Variants in ANKRD36B observed in about 807,000 individuals in gnomAD.
ANKRD36B encodes the protein ankyrin repeat domain 36B, also known as ankyrin repeat domain-containing protein 36B.
A neutral mutation model predicts 135.7 loss-of-function variants in ANKRD36B; 37 were observed. That is an observed-to-expected ratio of 0.27 (90% CI 0.21 to 0.36). ANKRD36B has a LOEUF of 0.36. ANKRD36B is among the 10% of genes least tolerant of loss of function. The pLI, the probability that ANKRD36B is intolerant of heterozygous loss-of-function variation, is 1.00. For synonymous variants in ANKRD36B, 179 were observed against 348.1 expected (o/e 0.51, Z 5.41); for missense variants, 549 against 1,037.1 (o/e 0.53, Z 6.46).
intron 22 of ANKRD36B, among the ~76,000 whole-genome samples, chr2:97,546,770 C>T (rs2079507665): frequency 1.3e-5 from 2 of 151,746 alleles, no homozygotes; most frequent in East Asian, 3.9e-4. Flanking sequence ...GCTATTTCAT[C>T]CAAGAGGTAG....
chr2:97,524,765 A>G lies in ANKRD36B; in HGVS notation c.2266-1298T>C, dbSNP rs2078103022. On this transcript the variant is annotated intron_variant, in intron 35 of 43. Transcript: ENST00000359901. ...CAAATTTCACTGAAACTCTACTTTA[A>G]CTTATTTGTGATGAATTTTAAAGTT... 5.2e-5 allele frequency: 5 copies of G among 97,080 alleles called. 1 individual carries two copies. The South Asian group carries it at 1.2e-3, about 23-fold the overall frequency. 6.0% of individuals were successfully genotyped at this position (97,080 alleles called of 1,614,324 possible).
intron 6 of ANKRD36B, among the ~76,000 whole-genome samples, chr2:97,574,969 A>G (rs1237864594): frequency 1.3e-5 from 2 of 152,108 alleles, no homozygotes; most frequent in East Asian, 3.9e-4. Context: ...GACAACAGAC[A>G]TACCAATCAC....
chr2:97,569,651 G>T (rs973103620), intron 6 of ANKRD36B, among the ~76,000 whole-genome samples: 2 of 150,360 alleles, frequency 1.3e-5, no homozygotes, highest in Non-Finnish European at 3.0e-5. Flanking sequence ...GAACGTGAGG[G>T]GGGATGGCGT....
rs557890270 is a variant in ANKRD36B, at chr2:97,494,425, A to G, written c.*7-1570T>C. ...GTATGACACACATGGCTAGAGAGGT[A>G]GGAAGAGAGGGGAGAGGTGCCACAC... On this transcript the variant is annotated intron_variant, in intron 43 of 43. Coordinates refer to ENST00000359901, the MANE Select transcript of ANKRD36B (RefSeq NM_001393939.1). 3.4e-3 allele frequency among the ~76,000 whole-genome samples: 360 copies of G among 106,774 alleles called. 4 individuals carry two copies. Among genetic ancestry groups the G allele is most frequent in the African/African-American group, 9.1e-3 (346 of 38,224 alleles). 70.0% of individuals were successfully genotyped at this position (106,774 alleles called of 152,430 possible).
At chr2:97,572,361 G>T (rs956215647) in intron 6 of ANKRD36B, among the ~76,000 whole-genome samples, 1 of 144,894 alleles carries the variant, frequency 6.9e-6, no homozygotes, top group Non-Finnish European at 1.5e-5. Flanking sequence ...TTCCAGCTAA[G>T]TAACAGATTA....
At chr2:97,548,895 C>A (rs188997580) in intron 20 of ANKRD36B, among the ~76,000 whole-genome samples, 1 of 151,932 alleles carries the variant, frequency 6.6e-6, no homozygotes, top group Non-Finnish European at 1.5e-5. Context: ...TTCCTCAGCA[C>A]AAACCCCAAA....
At chr2:97,569,948 T>G (rs2081728346) in intron 6 of ANKRD36B, among the ~76,000 whole-genome samples, 1 of 152,134 alleles carries the variant, frequency 6.6e-6, no homozygotes. Flanking sequence ...TTCATAATTA[T>G]AAACAGAAAT....
At position 97,586,400 on chromosome 2, in the gene ANKRD36B, T is replaced by G. The variant is rs534756255; in HGVS notation, c.162-1002A>C. Among the ~76,000 whole-genome samples, 495 of 68,312 alleles carry G rather than the reference T, an allele frequency of 7.2e-3. 3 individuals carry two copies. Among genetic ancestry groups the G allele is most frequent in the African/African-American group, 0.042 (450 of 10,642 alleles). The allele number at this position is 68,312 out of a possible 152,430, so 44.8% of individuals were successfully genotyped here. A position where few individuals can be genotyped will look rare whatever the true frequency, so the allele number is the denominator to read the frequency against. On this transcript the variant is annotated intron_variant, in intron 1 of 43. Coordinates refer to ENST00000359901, the MANE Select transcript of ANKRD36B (RefSeq NM_001393939.1). ...TATTTTCTAACTTCAGAATTGCTTTTGTTTAAAAAAAAAAAAAGGAATAAA... is the reference window on the plus strand; with the variant it reads ...TATTTTCTAACTTCAGAATTGCTTTGGTTTAAAAAAAAAAAAAGGAATAAA...
At chr2:97,557,557 C>G (rs984375052) in intron 10 of ANKRD36B, among the ~76,000 whole-genome samples, 1 of 151,860 alleles carries the variant, frequency 6.6e-6, no homozygotes, top group African/African-American at 2.4e-5. Context: ...AAGTATTCAT[C>G]ACGCTCTTTA....
rs544390180 is a variant in ANKRD36B, at chr2:97,553,186, C to T, written c.1255G>A (p.Gly419Arg). Residue 419 changes from glycine (G) to arginine (R), a missense_variant, in exon 16 of 44, where the codon GGA (glycine) becomes AGA (arginine). Gly to Arg is a moderately radical substitution (Grantham distance 125). Transcript: ENST00000359901. Reference sequence around the variant, plus strand: ...AAATTACCTGTCCCAGATTTTTCTCCATCCTTTATTTCTGTGGCTATATTA... The same window carrying T: ...AAATTACCTGTCCCAGATTTTTCTCTATCCTTTATTTCTGTGGCTATATTA... ...VSNIATEIKDGEKSGTVSSQK... is the reference protein window; with the variant it reads ...VSNIATEIKDREKSGTVSSQK... The T allele has an allele frequency of 6.2e-7, 1 of 1,611,250 alleles. No individual in the cohort carries two copies. The highest frequency in any genetic ancestry group is 8.5e-7 in the Non-Finnish European group (1 of 1,178,674).
intron 12 of ANKRD36B, among the ~76,000 whole-genome samples, chr2:97,555,781 G>A (rs968229777): frequency 6.6e-5 from 10 of 151,894 alleles, no homozygotes; most frequent in African/African-American, 2.4e-4. Flanking sequence ...GATCAGCTTG[G>A]ATATATGGTT....
At chr2:97,559,722 C>T (rs895118643) in intron 8 of ANKRD36B, among the ~76,000 whole-genome samples, 1 of 151,908 alleles carries the variant, frequency 6.6e-6, no homozygotes, top group Non-Finnish European at 1.5e-5. Flanking sequence ...AAAACTGCTA[C>T]AAGCATTAGA....
chr2:97,589,772 G>A lies in ANKRD36B; in HGVS notation c.-87C>T. 6.2e-7 allele frequency: 1 copy of A among 1,602,448 alleles called. No individual in the cohort carries two copies. On this transcript the variant is annotated 5_prime_UTR_variant, in exon 1 of 44. Transcript: ENST00000359901. ...GCAGCCGTATTTCAGCTCGCCTTCGGGGATCGCCGCCTCCGAAGAGCAACA... is the reference window on the plus strand; with the variant it reads ...GCAGCCGTATTTCAGCTCGCCTTCGAGGATCGCCGCCTCCGAAGAGCAACA...
chr2:97,529,617 C>T (rs190097451), intron 35 of ANKRD36B, among the ~76,000 whole-genome samples: 7,763 of 95,356 alleles, frequency 0.081, 3,065 homozygotes, highest in Non-Finnish European at 0.16. Flanking sequence ...TCAAAATGTC[C>T]CTGTTTGCAG....
intron 1 of ANKRD36B, among the ~76,000 whole-genome samples, chr2:97,587,676 A>G (rs1320644891): frequency 1.3e-5 from 2 of 152,220 alleles, no homozygotes; most frequent in Non-Finnish European, 2.9e-5. Flanking sequence ...AACGGAATTG[A>G]TGGGTGAAGG....
intron 12 of ANKRD36B, among the ~76,000 whole-genome samples, chr2:97,556,333 T>C (rs1362162524): frequency 6.6e-6 from 1 of 151,932 alleles, no homozygotes; most frequent in Non-Finnish European, 1.5e-5. Flanking sequence ...ATTCCGGTAG[T>C]CATCGGAGCA....
At chr2:97,574,207 C>G (rs1482694732) in intron 6 of ANKRD36B, among the ~76,000 whole-genome samples, 1 of 152,102 alleles carries the variant, frequency 6.6e-6, no homozygotes, top group Non-Finnish European at 1.5e-5. Context: ...AAACAAACAA[C>G]CCCATCAAAA....
rs1468652378 is a variant in ANKRD36B, at chr2:97,536,488, C to T, written c.2098G>A (p.Glu700Lys). The stretch of plus-strand genomic sequence containing the variant: ...ATTACCTTCAAGGTGCGCAGATTCT[C>T]AGGATACTCTAACAAGCAAGAGAAA... ...GGGKSGTEYP[E>K]NLRTLKATIE... Residue 700 changes from glutamate (E) to lysine (K), a missense_variant, in exon 33 of 44, where the codon GAG becomes AAG. Coordinates refer to ENST00000359901, the MANE Select transcript of ANKRD36B (RefSeq NM_001393939.1). 2 of 905,026 alleles carry T rather than the reference C, an allele frequency of 2.2e-6. No homozygotes were observed. The highest frequency in any genetic ancestry group is 2.5e-5 in the South Asian group (2 of 78,636). The allele number at this position is 905,026 out of a possible 1,614,324, so 56.1% of individuals were successfully genotyped here.
intron 35 of ANKRD36B, among the ~76,000 whole-genome samples, chr2:97,530,489 G>A (rs1271797118): frequency 1.1e-5 from 1 of 95,148 alleles, no homozygotes; most frequent in African/African-American, 3.2e-5. Context: ...CAGGACATAG[G>A]CATGGGCAAG....
Sources: gnomAD v4.1 joint callset for allele counts (sites outside exome capture counted in the v4.1 genomes callset) on GRCh38, gnomAD v4.1.1 for gene constraint, MANE v1.5 for transcripts, NCBI Gene and HGNC (gene_info 2026-07-23, HGNC 2026-07-21) for gene names.